MICAL3: variants seen among roughly 807,000 people sequenced by gnomAD.
MICAL3 encodes the protein [F-actin]-monooxygenase MICAL3.
Under a neutral mutation model 207.4 loss-of-function variants are expected in MICAL3, and 62 were observed. The ratio of observed to expected loss-of-function variants is 0.30; its 90% CI spans 0.24 to 0.37. The LOEUF is 0.37. Ranked by LOEUF, MICAL3 falls within the 10% of genes least tolerant of loss-of-function variation. MICAL3 has a pLI of 1.00. For missense variants in MICAL3, 2,368 were observed against 2,635.6 expected (o/e 0.90, Z 2.22); for synonymous variants, 1,077 against 1,069.3 (o/e 1.01, Z -0.14).
chr22:17,817,423 C>A lies in MICAL3; in HGVS notation c.5238G>T (p.Gly1746=). 6.2e-7 allele frequency: 1 copy of A among 1,613,598 alleles called. No homozygotes were observed. The highest frequency in any genetic ancestry group is 1.1e-5 in the South Asian group (1 of 91,066). ...CCTTCTTCTTCTTGTCCTTCTTGTA[C>A]CCGGAGAAGACGGACTTCCACAGGG... ...PKSLWKSVFS[G]YKKDKKKKAD... is the part of the protein sequence containing the mutation. Residue 1746 remains glycine (G), a synonymous_variant, in exon 26 of 32, where the codon GGG becomes GGT. Transcript: ENST00000441493.
At chr22:17,838,601 T>C (rs930399129) in intron 20 of MICAL3, among the ~76,000 whole-genome samples, 2 of 152,174 alleles carry the variant, frequency 1.3e-5, no homozygotes, top group African/African-American at 2.4e-5. Context: ...GTTAAGTAAA[T>C]TGCCAACAGC....
Position 17,790,664 on chromosome 22 carries a change from C to G in MICAL3, c.*68G>C. 2 of 1,440,112 alleles carry G rather than the reference C, an allele frequency of 1.4e-6. No individual in the cohort carries two copies. The highest frequency in any genetic ancestry group is 1.9e-6 in the Non-Finnish European group (2 of 1,063,802). 89.2% of individuals were successfully genotyped at this position (1,440,112 alleles called of 1,614,324 possible). On this transcript the variant is annotated 3_prime_UTR_variant, in exon 32 of 32. Coordinates refer to ENST00000441493, the MANE Select transcript of MICAL3 (RefSeq NM_015241.3). ...TGCCAGGCCTCCTCAGATCGCGGCT[C>G]CGGGTGGTTTGGATGCCACTGCCTG...
chr22:17,963,367 G>A (rs1351057295), intron 1 of MICAL3, among the ~76,000 whole-genome samples: 3 of 152,126 alleles, frequency 2.0e-5, no homozygotes, highest in East Asian at 1.9e-4. Context: ...GGACACCCAT[G>A]GCGTGAGATG....
chr22:17,789,177 G>A lies in MICAL3; in HGVS notation c.*1555C>T, dbSNP rs35516923. The A allele has an allele frequency of 0.2, 26,007 of 132,014 alleles. 2,719 individuals carry two copies. Among genetic ancestry groups the A allele is most frequent in the Non-Finnish European group, 0.26 (16,535 of 63,714 alleles). 8.2% of individuals were successfully genotyped at this position (132,014 alleles called of 1,614,324 possible). Reference sequence around the variant, plus strand: ...ATCCGGCACAAGGCAGGTGCCCGTCGCCTTCGGAAGGAAGGGCGGGAGTCG... The same window carrying A: ...ATCCGGCACAAGGCAGGTGCCCGTCACCTTCGGAAGGAAGGGCGGGAGTCG... On this transcript the variant is annotated 3_prime_UTR_variant, in exon 32 of 32. Coordinates refer to ENST00000441493, the MANE Select transcript of MICAL3 (RefSeq NM_015241.3).
At chr22:17,977,081 C>T (rs1426365251) in intron 1 of MICAL3, among the ~76,000 whole-genome samples, 2 of 152,126 alleles carry the variant, frequency 1.3e-5, no homozygotes, top group East Asian at 3.8e-4. Context: ...GGGATTACGG[C>T]GTGAGCCACC....
intron 1 of MICAL3, among the ~76,000 whole-genome samples, chr22:17,938,062 T>C (rs1569139442): frequency 6.6e-6 from 1 of 152,212 alleles, no homozygotes; most frequent in Non-Finnish European, 1.5e-5. Flanking sequence ...ATTTATTAAA[T>C]TTTTTTAAAG....
intron 1 of MICAL3, among the ~76,000 whole-genome samples, chr22:17,916,616 C>T (rs1242690861): frequency 6.6e-6 from 1 of 152,178 alleles, no homozygotes; most frequent in Non-Finnish European, 1.5e-5. Flanking sequence ...AATTCTCAAA[C>T]CTTGTTTTCC....
At chr22:17,921,656 T>C (rs1025009774) in intron 1 of MICAL3, among the ~76,000 whole-genome samples, 2 of 152,056 alleles carry the variant, frequency 1.3e-5, no homozygotes, top group African/African-American at 4.8e-5. Context: ...ACCTGGATAA[T>C]TTTCATATTT....
At chr22:18,023,186 TAAA>T (rs5844347) in intron 1 of MICAL3, among the ~76,000 whole-genome samples, 1 of 149,982 alleles carries the variant, frequency 6.7e-6, no homozygotes, top group East Asian at 2.0e-4. Flanking sequence ...CCTGGGAAGT[TAAA>T]AAAAAAAAAT....
intron 1 of MICAL3, among the ~76,000 whole-genome samples, chr22:17,992,836 T>C (rs1921844411): frequency 1.3e-5 from 2 of 152,200 alleles, no homozygotes; most frequent in African/African-American, 2.4e-5. Flanking sequence ...ATGCAAATTA[T>C]TGGGTTTATG....
intron 1 of MICAL3, among the ~76,000 whole-genome samples, chr22:17,992,008 C>T (rs185131704): frequency 6.6e-6 from 1 of 152,202 alleles, no homozygotes; most frequent in African/African-American, 2.4e-5. Context: ...GGATGAGGCG[C>T]CTCCATGCCC....
intron 1 of MICAL3, among the ~76,000 whole-genome samples, chr22:17,933,744 G>A (rs1933383226): frequency 6.6e-6 from 1 of 151,982 alleles, no homozygotes. Flanking sequence ...TAATAAAGAA[G>A]AAAAGAGAGA....
intron 1 of MICAL3, among the ~76,000 whole-genome samples, chr22:17,953,760 G>A (rs866465454): frequency 4.0e-5 from 6 of 151,752 alleles, no homozygotes; most frequent in African/African-American, 1.5e-4. Context: ...GTGAAACCCC[G>A]TCTTTACTAA....
At chr22:17,963,162 T>C (rs1426346503) in intron 1 of MICAL3, among the ~76,000 whole-genome samples, 1 of 152,114 alleles carries the variant, frequency 6.6e-6, no homozygotes, top group Non-Finnish European at 1.5e-5. Context: ...GCCCAGACTG[T>C]AGTGCAGTGG....
At chr22:17,893,430 C>T (rs1340536725) in intron 11 of MICAL3, among the ~76,000 whole-genome samples, 1 of 152,126 alleles carries the variant, frequency 6.6e-6, no homozygotes, top group Non-Finnish European at 1.5e-5. Context: ...AGACTTTTTC[C>T]ACAAAGTCTT....
At chr22:17,810,285 A>T (rs5992108) in intron 28 of MICAL3, among the ~76,000 whole-genome samples, 79 of 152,000 alleles carry the variant, frequency 5.2e-4, no homozygotes, top group Non-Finnish European at 8.2e-4. Context: ...GGATGGTCTC[A>T]ATCTCCTGAC....
intron 24 of MICAL3, among the ~76,000 whole-genome samples, 168 bp from the exon 25 acceptor site, chr22:17,821,677 G>C (rs1921662117): frequency 6.6e-6 from 1 of 152,216 alleles, no homozygotes; most frequent in South Asian, 2.1e-4. Context: ...CAGGGTCCTG[G>C]AACCGTCTTC....
Position 18,000,934 on chromosome 22 carries a change from G to A in MICAL3, c.-75+23347C>T, listed in dbSNP as rs1449960034. On this transcript the variant is annotated intron_variant, in intron 1 of 31. Transcript: ENST00000441493. ...CTCGGCCCGGAGCCTGCGGACTCCG[G>A]TAAAGACAGAGACCTCCCCCGCCCC... is the stretch of plus-strand genomic sequence containing the variant. Among the ~76,000 whole-genome samples the A allele has an allele frequency of 2.0e-5, 3 of 152,230 alleles. 1 individual carries two copies. In the South Asian group the frequency reaches 6.2e-4, roughly 32 times the overall value.
intron 1 of MICAL3, among the ~76,000 whole-genome samples, chr22:17,933,517 C>T (rs1933369984): frequency 6.6e-6 from 1 of 152,082 alleles, no homozygotes; most frequent in African/African-American, 2.4e-5. Context: ...CAAGAGAAAG[C>T]AGGAAAGATC....
Sources: allele counts gnomAD v4.1 joint callset (sites outside exome capture counted in the v4.1 genomes callset), GRCh38; gene constraint gnomAD v4.1.1; transcripts MANE v1.5; gene names NCBI Gene and HGNC (gene_info 2026-07-23, HGNC 2026-07-21).